Variants in SGSM1 observed in about 807,000 individuals in gnomAD.
SGSM1 encodes the protein small G protein signaling modulator 1, also known as RUN and TBC1 domain containing 2.
A neutral mutation model predicts 133.8 loss-of-function variants in SGSM1; 73 were observed. The observed-to-expected ratio is 0.55, with a 90% confidence interval of 0.45 to 0.66. The LOEUF (loss-of-function observed/expected upper bound fraction) is 0.66, where lower values mean the gene tolerates loss of function less well. Ranked by LOEUF, SGSM1 falls within the 30% of genes least tolerant of loss-of-function variation. The pLI, the probability that SGSM1 is intolerant of heterozygous loss-of-function variation, is 0.00. For synonymous variants in SGSM1, 563 were observed against 573.0 expected, an observed-to-expected ratio of 0.98 and a Z score of 0.25; for missense variants, 1,213 against 1,448.1, an observed-to-expected ratio of 0.84 and a Z score of 2.64.
In SGSM1 at chr22:24,868,515, G is replaced by A. The variant is rs200550123; in HGVS notation, c.1134G>A (p.Pro378=). ...TGCTCCCACATGGGCAGTTGGACCC[G>A]CCACTGTGGTCCCAGAGGGGTAAGG... ...NGLLPHGQLD[P]PLWSQRGKGK... is the part of the protein sequence containing the mutation. Residue 378 remains proline, a synonymous_variant, in exon 11 of 25, where the codon CCG becomes CCA. Coordinates refer to ENST00000400358, the MANE Select transcript of SGSM1 (RefSeq NM_001098497.3). 1.9e-4 allele frequency: 303 copies of A among 1,613,884 alleles called. 1 individual carries two copies. In the African/African-American group the frequency reaches 3.6e-3, roughly 19 times the overall value.
intron 16 of SGSM1, among the ~76,000 whole-genome samples, chr22:24,892,355 C>T (rs1054000687): frequency 5.0e-4 from 76 of 152,228 alleles, no homozygotes; most frequent in African/African-American, 1.7e-3. Context: ...AATCCGTCCC[C>T]GTGGTGCCCA....
chr22:24,849,884 G>T (rs534993998), intron 4 of SGSM1, among the ~76,000 whole-genome samples: 1 of 152,352 alleles, frequency 6.6e-6, no homozygotes, highest in East Asian at 1.9e-4. Flanking sequence ...TAGTGGTAAG[G>T]AGATTGCTGG....
intron 8 of SGSM1, chr22:24,856,047 A>C (rs1460325028): frequency 9.8e-6 from 4 of 409,644 alleles, no homozygotes; most frequent in Non-Finnish European, 1.9e-5. Context: ...CCATCCCTCC[A>C]TCTATCCATC....
At chr22:24,815,787 A>G (rs935383312) in intron 2 of SGSM1, among the ~76,000 whole-genome samples, 7 of 152,160 alleles carry the variant, frequency 4.6e-5, no homozygotes, top group African/African-American at 1.7e-4. Flanking sequence ...GGAGTTGGTC[A>G]GCAGGAAGCA....
At chr22:24,877,138 A>G (rs970996623) in intron 13 of SGSM1, among the ~76,000 whole-genome samples, 2 of 152,220 alleles carry the variant, frequency 1.3e-5, no homozygotes, top group Non-Finnish European at 2.9e-5. Context: ...AAAGCAGCAC[A>G]TGTCATATCC....
At chr22:24,859,533 A>T in intron 8 of SGSM1, 183 bp from the exon 9 acceptor site, 1 of 788,668 alleles carries the variant, frequency 1.3e-6, no homozygotes, top group Non-Finnish European at 2.1e-6. Flanking sequence ...GCTGGCTGCA[A>T]ATGGCTTTGC....
At chr22:24,882,412 A>G (rs55836149) in intron 14 of SGSM1, among the ~76,000 whole-genome samples, 5,707 of 152,162 alleles carry the variant, frequency 0.038, 366 homozygotes, top group African/African-American at 0.13. Flanking sequence ...GTGGTTGTAC[A>G]TATTTTAGGG....
At chr22:24,898,612 T>C in intron 19 of SGSM1, 53 bp downstream of exon 19, 1 of 1,503,558 alleles carries the variant, frequency 6.7e-7, no homozygotes, top group South Asian at 1.3e-5. Flanking sequence ...TGCAGGAGGG[T>C]GGGATGTACT....
In SGSM1 at chr22:24,819,206, C is replaced by A. The variant is rs115174075; in HGVS notation, c.63+12722C>A. On this transcript the variant is annotated intron_variant, in intron 2 of 24. Coordinates refer to ENST00000400358, the MANE Select transcript of SGSM1 (RefSeq NM_001098497.3). ...AATTATAATTAGTATTTATTGGGCA[C>A]CTACTTTGTCCAGGCCTGCCTTGTC... 5.7e-3 allele frequency among the ~76,000 whole-genome samples: 873 copies of A among 151,894 alleles called. 9 individuals carry two copies. The highest frequency in any genetic ancestry group is 0.02 in the African/African-American group (831 of 41,408).
At chr22:24,901,544 T>G (rs1933161073) in intron 19 of SGSM1, among the ~76,000 whole-genome samples, 1 of 152,152 alleles carries the variant, frequency 6.6e-6, no homozygotes, top group Admixed American at 6.6e-5. Flanking sequence ...TACCAGAATT[T>G]GCCCTCTGTG....
In SGSM1 at chr22:24,818,917, C is replaced by T. The variant is rs192151722; in HGVS notation, c.63+12433C>T. 9.3e-3 allele frequency among the ~76,000 whole-genome samples: 1,410 copies of T among 151,844 alleles called. 21 individuals carry two copies. The highest frequency in any genetic ancestry group is 0.032 in the African/African-American group (1,339 of 41,402). ...ATCCCAGCACTTTGGGAGACCGAGG[C>T]GGGCGGATCATGAGGTCAGGAGATC... is the stretch of plus-strand genomic sequence containing the variant. On this transcript the variant is annotated intron_variant, in intron 2 of 24. Coordinates refer to ENST00000400358, the MANE Select transcript of SGSM1 (RefSeq NM_001098497.3).
intron 14 of SGSM1, 113 bp downstream of exon 14, chr22:24,879,639 A>C: frequency 1.0e-6 from 1 of 976,646 alleles, no homozygotes; most frequent in Non-Finnish European, 1.5e-6. Flanking sequence ...CTCCTCCTCT[A>C]TTCCCTAGAT....
chr22:24,895,655 T>C (rs149613383), intron 18 of SGSM1, among the ~76,000 whole-genome samples: 6 of 152,294 alleles, frequency 3.9e-5, no homozygotes, highest in Non-Finnish European at 8.8e-5. Context: ...TTGGTAGTTG[T>C]TTTTTAAATG....
intron 12 of SGSM1, among the ~76,000 whole-genome samples, chr22:24,876,024 G>A (rs757010686): frequency 3.3e-5 from 5 of 152,212 alleles, no homozygotes; most frequent in Admixed American, 1.3e-4. Context: ...AGCTTCCCAC[G>A]TGATTTTAGG....
chr22:24,859,910 CG>C, intron 9 of SGSM1, 70 bp downstream of exon 9: 3 of 1,592,342 alleles, frequency 1.9e-6, no homozygotes, highest in Non-Finnish European at 2.6e-6. Flanking sequence ...AGTTCCTCCC[CG>C]GGGGAGGGGA....
chr22:24,908,099 A>T (rs1478253406), intron 21 of SGSM1, among the ~76,000 whole-genome samples: 1 of 152,094 alleles, frequency 6.6e-6, no homozygotes, highest in African/African-American at 2.4e-5. Flanking sequence ...AGATACTAAG[A>T]CAATTCAACT....
At chr22:24,864,197 C>T (rs1056446299) in intron 9 of SGSM1, among the ~76,000 whole-genome samples, 2 of 152,202 alleles carry the variant, frequency 1.3e-5, no homozygotes, top group Non-Finnish European at 2.9e-5. Context: ...CTCAGCCCTA[C>T]TGTGTGGAGC....
intron 2 of SGSM1, among the ~76,000 whole-genome samples, chr22:24,811,122 A>C (rs1927711253): frequency 6.6e-6 from 1 of 152,138 alleles, no homozygotes; most frequent in Non-Finnish European, 1.5e-5. Flanking sequence ...CAATGTCTGG[A>C]AACATTTTTG....
At position 24,924,278 on chromosome 22, in the gene SGSM1, G is replaced by A; in HGVS notation, c.*4G>A. 1 of 1,613,368 alleles carries A rather than the reference G, an allele frequency of 6.2e-7. No homozygotes were observed. Among genetic ancestry groups the A allele is most frequent in the Non-Finnish European group, 8.5e-7 (1 of 1,179,532 alleles). On this transcript the variant is annotated 3_prime_UTR_variant, in exon 25 of 25. Coordinates refer to ENST00000400358, the MANE Select transcript of SGSM1 (RefSeq NM_001098497.3). ...GACTCTGATTGAGAACAAGTGAGGG[G>A]CACCTCACCCCGGCAGCCTCAGCCA...
Sources: allele counts gnomAD v4.1 joint callset (sites outside exome capture counted in the v4.1 genomes callset), GRCh38; gene constraint gnomAD v4.1.1; transcripts MANE v1.5; gene names NCBI Gene and HGNC (gene_info 2026-07-23, HGNC 2026-07-21).